QKI: variants seen among roughly 807,000 people sequenced by gnomAD.
QKI encodes QKI, KH domain containing RNA binding.
A neutral mutation model predicts 39.0 loss-of-function variants in QKI; 10 were observed. That is an observed-to-expected ratio of 0.26 (90% CI 0.16 to 0.43). The LOEUF (loss-of-function observed/expected upper bound fraction) is 0.43. QKI is among the 20% of genes least tolerant of loss of function. The pLI is 1.00. For synonymous variants in QKI, 204 were observed against 155.4 expected (o/e 1.31, Z -2.33); for missense variants, 218 against 428.0 (o/e 0.51, Z 4.33).
chr6:163,534,876 A>G lies in QKI; in HGVS notation c.403-106A>G, dbSNP rs1781099932. 5.1e-6 allele frequency: 5 copies of G among 977,576 alleles called. No individual in the cohort carries two copies. In the South Asian group the frequency reaches 8.9e-5, roughly 17 times the overall value. The allele number at this position is 977,576 out of a possible 1,614,324, so 60.6% of individuals were successfully genotyped here. A position where few individuals can be genotyped will look rare whatever the true frequency, so the allele number is the denominator to read the frequency against. On this transcript the variant is annotated intron_variant, in intron 3 of 7. Transcript: ENST00000361752. ...CAAAGACTTGTGCCATCATAGCAAAATAATGCAAACATAGCTGAAATAATT... is the reference window on the plus strand; with the variant it reads ...CAAAGACTTGTGCCATCATAGCAAAGTAATGCAAACATAGCTGAAATAATT...
At chr6:163,460,442 ACT>A (rs1308380097) in intron 2 of QKI, among the ~76,000 whole-genome samples, 2 of 152,156 alleles carry the variant, frequency 1.3e-5, no homozygotes, top group African/African-American at 4.8e-5. Flanking sequence ...AGTACACTCC[ACT>A]GTCTCTCTTA....
chr6:163,446,065 T>C (rs1440971267), intron 1 of QKI, among the ~76,000 whole-genome samples: 1 of 152,232 alleles, frequency 6.6e-6, no homozygotes, highest in African/African-American at 2.4e-5. Flanking sequence ...CGTACAGCTA[T>C]CCTTTCATAT....
At chr6:163,567,836 T>G in intron 7 of QKI, 8 of 984,892 alleles carry the variant, frequency 8.1e-6, no homozygotes, top group Non-Finnish European at 9.6e-6. Flanking sequence ...GTACTTCAAT[T>G]GTACATCTTC....
chr6:163,500,478 A>C (rs970344027), intron 3 of QKI, among the ~76,000 whole-genome samples: 6 of 152,138 alleles, frequency 3.9e-5, no homozygotes, highest in African/African-American at 1.4e-4. Context: ...CTAAATATAC[A>C]ATGTAATGTT....
intron 1 of QKI, among the ~76,000 whole-genome samples, chr6:163,444,748 T>G (rs1481644184): frequency 2.6e-5 from 4 of 152,174 alleles, no homozygotes; most frequent in African/African-American, 9.7e-5. Context: ...ATAATTAAAA[T>G]TTTAACAACA....
chr6:163,512,083 A>T (rs1562500713), intron 3 of QKI, among the ~76,000 whole-genome samples: 1 of 152,104 alleles, frequency 6.6e-6, no homozygotes, highest in Non-Finnish European at 1.5e-5. Context: ...ACAATAGAAT[A>T]AAGGTGTAAA....
chr6:163,476,713 C>T (rs1792633470), intron 2 of QKI, among the ~76,000 whole-genome samples: 1 of 152,156 alleles, frequency 6.6e-6, no homozygotes, highest in Non-Finnish European at 1.5e-5. Flanking sequence ...GTGTGAGTGT[C>T]CAGTCTCTCT....
intron 3 of QKI, among the ~76,000 whole-genome samples, chr6:163,531,431 G>C (rs1022357344): frequency 1.3e-5 from 2 of 152,190 alleles, no homozygotes; most frequent in South Asian, 2.1e-4. Flanking sequence ...GTGGACAGGG[G>C]ATATGGGAAT....
intron 3 of QKI, among the ~76,000 whole-genome samples, chr6:163,527,705 A>T (rs1780603590): frequency 6.6e-6 from 1 of 152,134 alleles, no homozygotes; most frequent in Non-Finnish European, 1.5e-5. Flanking sequence ...TCAAATGTTG[A>T]GATTATTTTT....
At chr6:163,480,531 C>CTACTA (rs954082070) in intron 3 of QKI, among the ~76,000 whole-genome samples, 2 of 151,910 alleles carry the variant, frequency 1.3e-5, no homozygotes, top group African/African-American at 2.4e-5. Context: ...GAAATTTGGG[C>CTACTA]AAAAAGTTCT....
intron 2 of QKI, among the ~76,000 whole-genome samples, chr6:163,465,214 A>G (rs1028280226): frequency 6.6e-6 from 1 of 152,220 alleles, no homozygotes; most frequent in Admixed American, 6.5e-5. Flanking sequence ...TGACAGGCCC[A>G]CAGCTGACAT....
chr6:163,454,315 A>G (rs1790777929), intron 1 of QKI, among the ~76,000 whole-genome samples: 1 of 152,198 alleles, frequency 6.6e-6, no homozygotes, highest in South Asian at 2.1e-4. Flanking sequence ...TTTTAAAAAA[A>G]ATGTCTATGT....
chr6:163,476,976 T>C (rs1444410761), intron 2 of QKI, among the ~76,000 whole-genome samples: 1 of 151,896 alleles, frequency 6.6e-6, no homozygotes. Flanking sequence ...TTGAGGCTTA[T>C]TTGATGTGAT....
intron 1 of QKI, among the ~76,000 whole-genome samples, chr6:163,426,502 GT>G (rs1291639568): frequency 1.3e-5 from 2 of 151,896 alleles, no homozygotes; most frequent in Non-Finnish European, 1.5e-5. Context: ...TTTAAAGGTA[GT>G]TTTTTTTGTT....
At chr6:163,472,395 C>T (rs1301600589) in intron 2 of QKI, among the ~76,000 whole-genome samples, 2 of 151,966 alleles carry the variant, frequency 1.3e-5, no homozygotes, top group African/African-American at 2.4e-5. Context: ...GTGGCAGAGG[C>T]AGAAGGAGGT....
chr6:163,458,334 A>C (rs1229847290), intron 2 of QKI, among the ~76,000 whole-genome samples: 1 of 152,206 alleles, frequency 6.6e-6, no homozygotes, highest in South Asian at 2.1e-4. Flanking sequence ...TAAAGAGTTA[A>C]TATGAGTGAA....
At chr6:163,480,736 G>A (rs1395387199) in intron 3 of QKI, among the ~76,000 whole-genome samples, 4 of 152,140 alleles carry the variant, frequency 2.6e-5, no homozygotes, top group Non-Finnish European at 1.5e-5. Flanking sequence ...TTGCCATGAA[G>A]TTTTGGTTCT....
chr6:163,418,230 A>G (rs1042958047), intron 1 of QKI, among the ~76,000 whole-genome samples: 2 of 152,086 alleles, frequency 1.3e-5, no homozygotes, highest in African/African-American at 4.8e-5. Flanking sequence ...TCTGATAATT[A>G]GGAATTTTAA....
chr6:163,549,667 G>A (rs185631444), intron 4 of QKI, among the ~76,000 whole-genome samples: 3 of 152,284 alleles, frequency 2.0e-5, no homozygotes, highest in Admixed American at 1.3e-4. Flanking sequence ...AGCCGAGATC[G>A]TGCCACTGCA....
Sources: allele counts gnomAD v4.1 joint callset (sites outside exome capture counted in the v4.1 genomes callset), GRCh38; gene constraint gnomAD v4.1.1; transcripts MANE v1.5; gene names NCBI Gene and HGNC (gene_info 2026-07-23, HGNC 2026-07-21).